The following RGP1 variants were observed in gnomAD, a reference collection of about 807,000 sequenced individuals.
RGP1 encodes RAB6A-GEF complex partner protein 2.
In RGP1, 28 loss-of-function variants were observed where a neutral mutation model predicts 44.5. The observed-to-expected ratio is 0.63, with a 90% CI of 0.47 to 0.86. The LOEUF (loss-of-function observed/expected upper bound fraction) is 0.86, where lower values mean the gene tolerates loss of function less well. Ranked by LOEUF, RGP1 falls within the 40% of genes least tolerant of loss-of-function variation. The pLI is 0.00. For synonymous variants in RGP1, 212 were observed against 196.7 expected, an observed-to-expected ratio of 1.08 and a Z score of -0.65; for missense variants, 417 against 490.7, an observed-to-expected ratio of 0.85 and a Z score of 1.42.
the RGP1 span, among the ~76,000 whole-genome samples, chr9:35,786,956 C>T: frequency 2.7e-5 from 4 of 150,686 alleles, no homozygotes; most frequent in East Asian, 2.0e-4. Flanking sequence ...AAAAATTAGC[C>T]GGGCGTGGTG....
chr9:35,754,321 C>T lies in RGP1; in HGVS notation c.*1447C>T, dbSNP rs1460752143. ...TGTTTATAAAGTGAGGACCCTGGCC[C>T]CCTGCTGAGTAGAGCTGGAAAAGTT... On this transcript the variant is annotated 3_prime_UTR_variant, in exon 9 of 9. Coordinates refer to ENST00000378078, the MANE Select transcript of RGP1 (RefSeq NM_001080496.3). 6.5e-6 allele frequency: 4 copies of T among 611,222 alleles called. No homozygotes were observed. The highest frequency in any genetic ancestry group is 2.9e-5 in the South Asian group (1 of 35,006). The allele number at this position is 611,222 out of a possible 1,614,324, so 37.9% of individuals were successfully genotyped here.
chr9:35,760,974 C>A (rs921869103), downstream of RGP1, among the ~76,000 whole-genome samples: 1 of 152,228 alleles, frequency 6.6e-6, no homozygotes. Flanking sequence ...AGGGACTCAG[C>A]CATACTTCCT....
In RGP1 at chr9:35,751,747, G is replaced by C. The variant is rs143208993; in HGVS notation, c.755G>C (p.Cys252Ser). The C allele has an allele frequency of 4.3e-6, 7 of 1,613,986 alleles. No individual in the cohort carries two copies. The highest frequency in any genetic ancestry group is 5.9e-6 in the Non-Finnish European group (7 of 1,179,890). Residue 252 changes from cysteine to serine, a missense_variant, in exon 7 of 9, where the codon TGT becomes TCT. Transcript: ENST00000378078. ...AACTTAGGGGAAGGAACCGTAGCTT[G>C]TTTGCAGGTAAGAAGGGAGCAGAGC... ...TLNLGEGTVA[C>S]LQFSVSLQTE... is the part of the protein sequence containing the mutation.
rs112202528 is a variant in RGP1 at position 35,753,265 on chromosome 9, G to A, written c.*391G>A. The A allele has an allele frequency of 2.9e-5, 46 of 1,613,792 alleles. No individual in the cohort carries two copies. The highest frequency in any genetic ancestry group is 2.3e-4 in the African/African-American group (17 of 75,032). On this transcript the variant is annotated 3_prime_UTR_variant, in exon 9 of 9. Coordinates refer to ENST00000378078, the MANE Select transcript of RGP1 (RefSeq NM_001080496.3). This position sits in a 1 kb window ranked among gnomAD's most constrained non-coding sequence, Gnocchi z 4.2. ...GTACCTCACACCCAGCCGGGAAGTC[G>A]ATGGGATGCTGGGACCTGGGGAACC...
At chr9:35,783,560 T>C in the RGP1 span, among the ~76,000 whole-genome samples, 2 of 152,218 alleles carry the variant, frequency 1.3e-5, no homozygotes, top group South Asian at 2.1e-4. Flanking sequence ...ATTCCACATA[T>C]GAGTGAGATC....
the RGP1 span, among the ~76,000 whole-genome samples, chr9:35,765,744 T>C: frequency 3.9e-5 from 6 of 152,040 alleles, no homozygotes; most frequent in African/African-American, 1.4e-4. Flanking sequence ...CCAAAGAGTC[T>C]GTACCATTTT....
the RGP1 span, among the ~76,000 whole-genome samples, chr9:35,777,991 G>C: frequency 6.6e-6 from 1 of 152,108 alleles, no homozygotes; most frequent in African/African-American, 2.4e-5. Context: ...TTGCACACCT[G>C]TTACAAAATT....
the RGP1 span, among the ~76,000 whole-genome samples, chr9:35,769,277 G>T: frequency 6.6e-6 from 1 of 152,246 alleles, no homozygotes; most frequent in African/African-American, 2.4e-5. Context: ...TGGGAGGACA[G>T]GTTCTTGTCT....
chr9:35,777,445 GTTT>G, the RGP1 span, among the ~76,000 whole-genome samples: 71 of 140,982 alleles, frequency 5.0e-4, no homozygotes, highest in East Asian at 8.2e-4. Context: ...ATGTTTTGTG[GTTT>G]TTTTTTTTTT....
chr9:35,778,068 G>A, the RGP1 span, among the ~76,000 whole-genome samples: 2 of 152,184 alleles, frequency 1.3e-5, no homozygotes, highest in African/African-American at 4.8e-5. Flanking sequence ...GGGAAGCCGA[G>A]GTGGGCAGAT....
chr9:35,755,287 T>C lies in RGP1; in HGVS notation c.*2413T>C, dbSNP rs1173088614. 1 of 152,246 alleles carries C rather than the reference T, an allele frequency of 6.6e-6. No individual in the cohort carries two copies. The highest frequency in any genetic ancestry group is 2.4e-5 in the African/African-American group (1 of 41,456). The allele number at this position is 152,246 out of a possible 1,614,324, so 9.4% of individuals were successfully genotyped here. ...GCAGTGCTCTTATCACCATCTCTGG[T>C]GCGTAAGCGTCAGGAAATAGCAGTT... On this transcript the variant is annotated 3_prime_UTR_variant, in exon 9 of 9. Coordinates refer to ENST00000378078, the MANE Select transcript of RGP1 (RefSeq NM_001080496.3).
chr9:35,781,983 GTTTTTTTT>G, the RGP1 span, among the ~76,000 whole-genome samples: 2 of 90,654 alleles, frequency 2.2e-5, no homozygotes, highest in African/African-American at 7.7e-5. Flanking sequence ...TATTTCTCTC[GTTTTTTTT>G]TTTTTTTTTT....
At chr9:35,777,365 G>A in the RGP1 span, among the ~76,000 whole-genome samples, 2 of 151,020 alleles carry the variant, frequency 1.3e-5, no homozygotes, top group African/African-American at 4.9e-5. Flanking sequence ...TCCTGACCTC[G>A]TGATCCACCC....
At position 35,754,538 on chromosome 9, in the gene RGP1, A is replaced by C; in HGVS notation, c.*1664A>C. 1 of 158,620 alleles carries C rather than the reference A, an allele frequency of 6.3e-6. No individual in the cohort carries two copies. Among genetic ancestry groups the C allele is most frequent in the Non-Finnish European group, 1.4e-5 (1 of 72,482 alleles). 9.8% of individuals were successfully genotyped at this position (158,620 alleles called of 1,614,324 possible). On this transcript the variant is annotated 3_prime_UTR_variant, in exon 9 of 9. Coordinates refer to ENST00000378078, the MANE Select transcript of RGP1 (RefSeq NM_001080496.3). ...AGGTGGTCCCCAGATCTCTTCCCTGACCTGGAGAGAAGGAAGCATTCCACC... is the reference window on the plus strand; with the variant it reads ...AGGTGGTCCCCAGATCTCTTCCCTGCCCTGGAGAGAAGGAAGCATTCCACC...
the RGP1 span, among the ~76,000 whole-genome samples, chr9:35,789,516 T>C: frequency 1.3e-5 from 2 of 152,038 alleles, no homozygotes; most frequent in African/African-American, 4.8e-5. Flanking sequence ...AGAGCCACCG[T>C]GCCTGGCCCC....
At chr9:35,779,198 C>A in the RGP1 span, among the ~76,000 whole-genome samples, 1 of 152,120 alleles carries the variant, frequency 6.6e-6, no homozygotes, top group South Asian at 2.1e-4. Flanking sequence ...GCAGAAGTGG[C>A]CCTGCAACTT....
chr9:35,786,264 T>A, the RGP1 span, among the ~76,000 whole-genome samples: 1 of 152,240 alleles, frequency 6.6e-6, no homozygotes. Context: ...GCCACTTGCC[T>A]CTTGCCACTT....
chr9:35,783,093 GC>G, the RGP1 span, among the ~76,000 whole-genome samples: 1 of 152,278 alleles, frequency 6.6e-6, no homozygotes, highest in South Asian at 2.1e-4. Flanking sequence ...ACAGGCGTGA[GC>G]CACTGCGCCT....
At chr9:35,760,015 C>T (rs1425357983), downstream of RGP1, among the ~76,000 whole-genome samples, 2 of 151,768 alleles carry the variant, frequency 1.3e-5, no homozygotes, top group African/African-American at 2.4e-5. Context: ...ATTGATTTCC[C>T]GCTGCTGTCA....
Sources: gnomAD v4.1 joint callset for allele counts (sites outside exome capture counted in the v4.1 genomes callset) on GRCh38, gnomAD v4.1.1 for gene constraint, Gnocchi (gnomAD v3.1) non-coding constraint, MANE v1.5 for transcripts, NCBI Gene and HGNC (gene_info 2026-07-23, HGNC 2026-07-21) for gene names.